The following CGN variants were observed in gnomAD, a reference collection of about 807,000 sequenced individuals.
CGN encodes the protein cingulin.
Under a neutral mutation model 157.1 loss-of-function variants are expected in CGN, and 121 were observed. The observed-to-expected ratio is 0.77, with a 90% confidence interval of 0.66 to 0.90. CGN has a LOEUF of 0.90. CGN is among the 40% of genes least tolerant of loss of function. CGN has a pLI of 0.00. For synonymous variants in CGN, 535 were observed against 607.5 expected, an observed-to-expected ratio of 0.88 and a Z score of 1.76; for missense variants, 1,424 against 1,520.9, an observed-to-expected ratio of 0.94 and a Z score of 1.06.
At chr1:151,510,857 A>C (rs1664265289), upstream of CGN, 1 of 152,242 alleles carries the variant, frequency 6.6e-6, no homozygotes, top group South Asian at 2.1e-4. Flanking sequence ...GGAGGCCACA[A>C]GATAAAAGAG....
intron 20 of CGN, 70 bp downstream of exon 20, chr1:151,536,963 T>A (rs1433186907): frequency 6.6e-7 from 1 of 1,505,168 alleles, no homozygotes; most frequent in East Asian, 2.3e-5. Flanking sequence ...TCTCCTGTGC[T>A]GGATAAGGAG....
chr1:151,532,633 T>TG (rs1664865673), intron 14 of CGN, 61 bp downstream of exon 14: 3 of 1,095,934 alleles, frequency 2.7e-6, no homozygotes, highest in South Asian at 2.2e-5. Context: ...TTTTTTTTTT[T>TG]GTCCGAGACA....
chr1:151,514,843 T>A (rs1664372930), intron 1 of CGN, among the ~76,000 whole-genome samples: 2 of 152,166 alleles, frequency 1.3e-5, no homozygotes, highest in Admixed American at 1.3e-4. Flanking sequence ...AAGTGACATC[T>A]TTCTATGAAC....
intron 13 of CGN, among the ~76,000 whole-genome samples, chr1:151,531,516 G>A (rs934933610): frequency 6.6e-6 from 1 of 152,146 alleles, no homozygotes; most frequent in African/African-American, 2.4e-5. Flanking sequence ...GTAGAGCCAG[G>A]ATTTGAACCC....
intron 14 of CGN, among the ~76,000 whole-genome samples, chr1:151,532,896 GGCATGA>G (rs544585719): frequency 1.9e-4 from 29 of 152,246 alleles, no homozygotes; most frequent in Non-Finnish European, 3.1e-4. Flanking sequence ...TAGGATAACA[GGCATGA>G]GCCACTGCGC....
intron 6 of CGN, 40 bp downstream of exon 6, chr1:151,523,601 C>A: frequency 1.9e-6 from 3 of 1,548,216 alleles, no homozygotes; most frequent in Non-Finnish European, 2.6e-6. Context: ...TGCTTGGGGG[C>A]CTAGGCCAGG....
At position 151,535,554 on chromosome 1, in the gene CGN, A is replaced by G. The variant is rs750801375; in HGVS notation, c.2995-46A>G. On this transcript the variant is annotated intron_variant, in intron 16 of 20. Transcript: ENST00000271636. ...CTCACTTTGTTCAGCTTGCTGGTTC[A>G]TCCTTAGCCCTCCCCAAGTCTGGTC... The G allele has an allele frequency of 7.4e-6, 11 of 1,477,880 alleles. No homozygotes were observed. In the Admixed American group the frequency reaches 1.5e-4, roughly 20 times the overall value. The allele number at this position is 1,477,880 out of a possible 1,614,324, so 91.5% of individuals were successfully genotyped here. A position where few individuals can be genotyped will look rare whatever the true frequency, so the allele number is the denominator to read the frequency against.
rs202137727 is a variant in CGN at position 151,520,237 on chromosome 1, G to A, written c.945G>A (p.Lys315=). 6.1e-5 allele frequency: 98 copies of A among 1,613,528 alleles called. No homozygotes were observed. The highest frequency in any genetic ancestry group is 2.7e-5 in the African/African-American group (2 of 74,772). The change falls in exon 3 of 21, where the codon AAG becomes AAA. Residue 315 remains lysine (K), a synonymous_variant. Coordinates refer to ENST00000271636, the MANE Select transcript of CGN (RefSeq NM_020770.3). ...CACCAGGCAGTGTGGACCATATGAAGGCCACCATCTATGGCATCCTGAGGG... is the reference window on the plus strand; with the variant it reads ...CACCAGGCAGTGTGGACCATATGAAAGCCACCATCTATGGCATCCTGAGGG... ...AAPPGSVDHM[K]ATIYGILREG...
intron 18 of CGN, 51 bp from the exon 19 acceptor site, chr1:151,536,186 G>T (rs1466255363): frequency 1.7e-6 from 2 of 1,187,504 alleles, no homozygotes; most frequent in South Asian, 1.2e-5. Flanking sequence ...GCCAAGTTAG[G>T]ATTCCCTTAG....
At chr1:151,513,503 T>C (rs1173695283) in intron 1 of CGN, among the ~76,000 whole-genome samples, 3 of 152,218 alleles carry the variant, frequency 2.0e-5, no homozygotes, top group African/African-American at 7.2e-5. Flanking sequence ...TTCGACCATT[T>C]GCTTTCCTTG....
intron 10 of CGN, among the ~76,000 whole-genome samples, chr1:151,528,578 G>A (rs868617427): frequency 2.6e-5 from 4 of 151,828 alleles, no homozygotes; most frequent in African/African-American, 4.8e-5. Context: ...CACCACGCCC[G>A]GCTAATTTTT....
chr1:151,524,823 T>C lies in CGN; in HGVS notation c.1551T>C (p.His517=), dbSNP rs761479530. 1.2e-6 allele frequency: 2 copies of C among 1,612,474 alleles called. No individual in the cohort carries two copies. The highest frequency in any genetic ancestry group is 8.5e-7 in the Non-Finnish European group (1 of 1,179,970). Residue 517 remains histidine (H), a synonymous_variant, in exon 8 of 21, where the codon CAT becomes CAC. Transcript: ENST00000271636. The surrounding 1 kb of genome is among the most constrained non-coding windows in gnomAD (Gnocchi z 4.4). ...EVASRDQEVE[H]VRQQYQRDTE... is the part of the protein sequence containing the mutation. ...CCTCCCGTGACCAGGAGGTGGAACA[T>C]GTCCGGCAGCAGTACCAGCGAGACA...
Position 151,528,140 on chromosome 1 carries a change from C to T in CGN, c.1896+1033C>T, listed in dbSNP as rs1347322590. On this transcript the variant is annotated intron_variant, in intron 10 of 20. Transcript: ENST00000271636. ...CCGGCTAATTTTTTTTGTATTTTTACAAAAAAAATACACGTACTCAGTGTT... is the reference window on the plus strand; with the variant it reads ...CCGGCTAATTTTTTTTGTATTTTTATAAAAAAAATACACGTACTCAGTGTT... Among the ~76,000 whole-genome samples the T allele has an allele frequency of 2.7e-5, 4 of 147,202 alleles. No homozygotes were observed. In the Admixed American group the frequency reaches 2.7e-4, roughly 10 times the overall value.
Position 151,524,761 on chromosome 1 carries a change from T to G in CGN, c.1489T>G (p.Leu497Val), listed in dbSNP as rs1206617011. ...GCAGCTGAGGCTGCGGGAGCGGGAG[T>G]TGACAGCCCTGAAGGGGGCCCTGAA... ...EEQLRLRERE[L>V]TALKGALKEE... Residue 497 changes from leucine (L) to valine (V), a missense_variant, in exon 8 of 21, where the codon TTG (leucine) becomes GTG (valine). Physicochemically the swap from Leu to Val is conservative, Grantham distance 32. Coordinates refer to ENST00000271636, the MANE Select transcript of CGN (RefSeq NM_020770.3). This position sits in a 1 kb window ranked among gnomAD's most constrained non-coding sequence, Gnocchi z 4.4. The G allele has an allele frequency of 1.9e-6, 3 of 1,611,040 alleles. No individual in the cohort carries two copies. The highest frequency in any genetic ancestry group is 2.5e-6 in the Non-Finnish European group (3 of 1,179,354).
Position 151,523,553 on chromosome 1 carries a change from C to T in CGN, c.1260C>T (p.Ser420=), listed in dbSNP as rs1210775598. 1 of 1,607,470 alleles carries T rather than the reference C, an allele frequency of 6.2e-7. No homozygotes were observed. Among genetic ancestry groups the T allele is most frequent in the Non-Finnish European group, 8.5e-7 (1 of 1,177,208 alleles). ...GGAGGAAGGGGGAGGCCCAGCAGAG[C>T]AACAAGGAGTGAGTGCAGCTGGTGG... ...LERRKGEAQQ[S]NKELQNMKRL... is the part of the protein sequence containing the mutation. Residue 420 remains serine (S), a synonymous_variant, in exon 6 of 21, where the codon AGC becomes AGT. Coordinates refer to ENST00000271636, the MANE Select transcript of CGN (RefSeq NM_020770.3).
At chr1:151,511,179 C>G (rs915542320), upstream of CGN, among the ~76,000 whole-genome samples, 10 of 152,232 alleles carry the variant, frequency 6.6e-5, no homozygotes, top group Non-Finnish European at 1.5e-4. This position sits in a 1 kb window ranked among gnomAD's most constrained non-coding sequence, Gnocchi z 4.8. Context: ...CCCTCGCCGC[C>G]CCGCCCCGAC....
At chr1:151,520,130 CTTTCTTTTTTT>C (rs1001412032) in intron 2 of CGN, 25 bp from the exon 3 acceptor site, 2 of 1,519,906 alleles carry the variant, frequency 1.3e-6, no homozygotes, top group African/African-American at 1.4e-5. Flanking sequence ...TTCTTTCTTT[CTTTCTTTTTTT>C]TTTCTTTTTC....
chr1:151,516,829 A>G (rs1571654624), intron 1 of CGN, among the ~76,000 whole-genome samples: 2 of 150,150 alleles, frequency 1.3e-5, no homozygotes, highest in South Asian at 4.4e-4. Context: ...GGCGTGAGCC[A>G]CCATGCCCGG....
intron 5 of CGN, among the ~76,000 whole-genome samples, chr1:151,522,651 A>G (rs1362628864): frequency 1.4e-5 from 2 of 147,080 alleles, no homozygotes; most frequent in Admixed American, 6.8e-5. Flanking sequence ...AAAAAAAACA[A>G]AAAACCAGGC....
Sources: allele counts gnomAD v4.1 joint callset (sites outside exome capture counted in the v4.1 genomes callset), GRCh38; gene constraint gnomAD v4.1.1; non-coding constraint Gnocchi (gnomAD v3.1); transcripts MANE v1.5; gene names NCBI Gene and HGNC (gene_info 2026-07-23, HGNC 2026-07-21).